The following RBFOX1 variants were observed in gnomAD, a reference collection of about 807,000 sequenced individuals.
RBFOX1 encodes RNA binding fox-1 homolog 1, also known as RNA binding protein fox-1 homolog 1.
RBFOX1 carries 8 observed loss-of-function variants against 57.7 expected under a neutral mutation model. That is an observed-to-expected ratio of 0.14 (90% CI 0.08 to 0.25). RBFOX1 has a LOEUF of 0.25. Ranked by LOEUF, RBFOX1 falls within the 10% of genes least tolerant of loss-of-function variation. The pLI, the probability that RBFOX1 is intolerant of heterozygous loss-of-function variation, is 1.00. For missense variants in RBFOX1, 611 were observed against 548.5 expected (o/e 1.11, Z -1.14); for synonymous variants, 326 against 222.4 (o/e 1.47, Z -4.15).
chr16:7,128,906 C>T (rs1278710905), intron 4 of RBFOX1, among the ~76,000 whole-genome samples: 1 of 150,826 alleles, frequency 6.6e-6, no homozygotes, highest in Non-Finnish European at 1.5e-5. Context: ...CTGCAACCTC[C>T]GCCTCCTGGG....
chr16:5,525,037 A>C (rs2044184512), intron 2 of RBFOX1, among the ~76,000 whole-genome samples: 1 of 152,052 alleles, frequency 6.6e-6, no homozygotes, highest in African/African-American at 2.4e-5. Context: ...CCCCAACACA[A>C]CTTAACATTC....
chr16:5,338,297 G>A (rs962881657), intron 1 of RBFOX1, among the ~76,000 whole-genome samples: 2 of 152,116 alleles, frequency 1.3e-5, no homozygotes, highest in African/African-American at 4.8e-5. Context: ...GATCAAGCTG[G>A]ACCAGTCAGA....
chr16:5,944,495 A>C (rs2059351361), intron 4 of RBFOX1, among the ~76,000 whole-genome samples: 1 of 152,102 alleles, frequency 6.6e-6, no homozygotes, highest in Non-Finnish European at 1.5e-5. Flanking sequence ...TTCTCAGTGG[A>C]GAAAGCAAGG....
At position 6,153,949 on chromosome 16, in the gene RBFOX1, C is replaced by G. The variant is rs1383515288; in HGVS notation, c.-127+133957C>G. Among the ~76,000 whole-genome samples, 4 of 152,244 alleles carry G rather than the reference C, an allele frequency of 2.6e-5. No individual in the cohort carries two copies. The East Asian group carries it at 7.7e-4, about 29-fold the overall frequency. On this transcript the variant is annotated intron_variant, in intron 1 of 15. Coordinates refer to ENST00000550418, the MANE Select transcript of RBFOX1 (RefSeq NM_018723.4). The stretch of plus-strand genomic sequence containing the variant: ...TAAGGTGACCTCGTTCTAATTTTAT[C>G]AAATACAGTATGTCAAGCAACAACA...
At chr16:6,376,188 A>G (rs1436114948) in intron 2 of RBFOX1, among the ~76,000 whole-genome samples, 2 of 152,184 alleles carry the variant, frequency 1.3e-5, no homozygotes, top group Non-Finnish European at 2.9e-5. Context: ...TCTTTCCCCT[A>G]GACTCCAGGA....
chr16:7,543,942 A>T (rs2083705526), intron 5 of RBFOX1, among the ~76,000 whole-genome samples: 1 of 152,008 alleles, frequency 6.6e-6, no homozygotes, highest in Non-Finnish European at 1.5e-5. Flanking sequence ...GATGGTCTCG[A>T]TCTCCTAACT....
chr16:6,913,666 G>A (rs963595286), intron 3 of RBFOX1, among the ~76,000 whole-genome samples: 2 of 152,174 alleles, frequency 1.3e-5, no homozygotes, highest in Non-Finnish European at 2.9e-5. Flanking sequence ...TCTCCTAGAA[G>A]CCCTTGGTAG....
At chr16:7,368,686 A>G (rs562872179) in intron 4 of RBFOX1, among the ~76,000 whole-genome samples, 3 of 151,886 alleles carry the variant, frequency 2.0e-5, no homozygotes, top group African/African-American at 7.2e-5. Context: ...AGGCTGAGGC[A>G]GGAGCATGGC....
At chr16:7,702,909 T>TC (rs2081237263) in intron 14 of RBFOX1, among the ~76,000 whole-genome samples, 1 of 152,228 alleles carries the variant, frequency 6.6e-6, no homozygotes, top group Non-Finnish European at 1.5e-5. Flanking sequence ...GATGAATATC[T>TC]GAGTGGGATG....
intron 4 of RBFOX1, among the ~76,000 whole-genome samples, chr16:7,146,792 A>G (rs1437554603): frequency 6.6e-6 from 1 of 150,680 alleles, no homozygotes; most frequent in African/African-American, 2.4e-5. Flanking sequence ...TCTAGTAAAA[A>G]TACAAAAATA....
At chr16:7,219,238 C>A (rs1341057824) in intron 4 of RBFOX1, among the ~76,000 whole-genome samples, 1 of 152,100 alleles carries the variant, frequency 6.6e-6, no homozygotes, top group Admixed American at 6.5e-5. Flanking sequence ...CAATTAACAC[C>A]ACAGGGAAAA....
At chr16:6,890,778 C>A (rs2065229940) in intron 3 of RBFOX1, among the ~76,000 whole-genome samples, 1 of 152,126 alleles carries the variant, frequency 6.6e-6, no homozygotes, top group Non-Finnish European at 1.5e-5. Flanking sequence ...GCTTTTTTAA[C>A]CTACGTACCC....
chr16:6,721,003 G>A (rs976353178), intron 3 of RBFOX1, among the ~76,000 whole-genome samples: 1 of 152,156 alleles, frequency 6.6e-6, no homozygotes, highest in African/African-American at 2.4e-5. Flanking sequence ...CTAAGATGAG[G>A]TCACGAATAT....
intron 4 of RBFOX1, among the ~76,000 whole-genome samples, chr16:7,099,546 TAGAA>T (rs990999127): frequency 1.8e-4 from 28 of 152,088 alleles, no homozygotes; most frequent in African/African-American, 6.5e-4. Flanking sequence ...TCAGTCAACT[TAGAA>T]AGGTTATTTT....
intron 4 of RBFOX1, among the ~76,000 whole-genome samples, chr16:6,006,884 A>G (rs1477455676): frequency 6.6e-6 from 1 of 152,172 alleles, no homozygotes; most frequent in Non-Finnish European, 1.5e-5. Context: ...TCAGCACACA[A>G]GCTCTTTTGT....
chr16:7,256,252 C>A (rs1406868443), intron 4 of RBFOX1, among the ~76,000 whole-genome samples: 1 of 152,138 alleles, frequency 6.6e-6, no homozygotes, highest in Non-Finnish European at 1.5e-5. Flanking sequence ...ACCCCTGCTC[C>A]CAAAAGCCAG....
At chr16:7,058,876 A>G (rs1002759217) in intron 4 of RBFOX1, among the ~76,000 whole-genome samples, 6 of 152,196 alleles carry the variant, frequency 3.9e-5, no homozygotes, top group African/African-American at 1.2e-4. Context: ...TATTAACTTC[A>G]TAATGTTACA....
chr16:5,765,105 C>T (rs943319683), intron 3 of RBFOX1, among the ~76,000 whole-genome samples: 2 of 152,182 alleles, frequency 1.3e-5, no homozygotes, highest in Non-Finnish European at 2.9e-5. Flanking sequence ...TGCATGAAAG[C>T]ATCTCTTCTA....
At chr16:5,939,693 C>G (rs1352360257) in intron 4 of RBFOX1, among the ~76,000 whole-genome samples, 2 of 151,908 alleles carry the variant, frequency 1.3e-5, no homozygotes, top group South Asian at 2.1e-4. Flanking sequence ...GGTGGTGGCT[C>G]CATTTTTTAA....
Sources: gnomAD v4.1 joint callset for allele counts (sites outside exome capture counted in the v4.1 genomes callset) on GRCh38, gnomAD v4.1.1 for gene constraint, MANE v1.5 for transcripts, NCBI Gene and HGNC (gene_info 2026-07-23, HGNC 2026-07-21) for gene names.